FHL1: variants seen among roughly 807,000 people sequenced by gnomAD.
The protein encoded by FHL1 is four and a half LIM domains 1.
A neutral mutation model predicts 20.3 loss-of-function variants in FHL1; 1 was observed. The ratio of observed to expected loss-of-function variants is 0.05; its 90% CI spans 0.02 to 0.23. The LOEUF (loss-of-function observed/expected upper bound fraction) is 0.23. Ranked by LOEUF, FHL1 falls within the 10% of genes least tolerant of loss-of-function variation. The probability of loss-of-function intolerance (pLI) is 1.00; values close to 1 mark genes in which losing one functional copy is unlikely to be tolerated. For synonymous variants in FHL1, 82 were observed against 88.9 expected (o/e 0.92, Z 0.44); for missense variants, 177 against 234.0 (o/e 0.76, Z 1.59).
intron 5 of FHL1, chrX:136,209,154 T>TGCCCTGG: frequency 2.2e-6 from 2 of 902,475 alleles, no homozygotes; most frequent in Non-Finnish European, 3.1e-6. Flanking sequence ...GCGATCCACG[T>TGCCCTGG]GCCCTGGGCC....
intron 2 of FHL1, among the ~76,000 whole-genome samples, chrX:136,178,392 C>T (rs188348446): frequency 8.9e-6 from 1 of 111,968 alleles, no homozygotes; most frequent in East Asian, 2.8e-4. Context: ...TGTAGAGCAT[C>T]TCTCACTGAA....
At chrX:136,157,859 T>C (rs903524745) in intron 1 of FHL1, among the ~76,000 whole-genome samples, 2 of 112,052 alleles carry the variant, frequency 1.8e-5, no homozygotes, top group African/African-American at 3.2e-5. Context: ...ATAGTTTCAT[T>C]ATGTACTTGA....
In FHL1 at chrX:136,173,121, C is replaced by A. The variant is rs981905886; in HGVS notation, c.-27+3141C>A. On this transcript the variant is annotated intron_variant, in intron 2 of 6. Transcript: ENST00000394153. ...TATTATTCAGAAACTTAGAATTATT[C>A]CATTTGGCTGCCTTTTAGTTTACAG... Among the ~76,000 whole-genome samples, 9 of 112,531 alleles carry A rather than the reference C, an allele frequency of 8.0e-5. No individual in the cohort carries two copies. The East Asian group carries it at 2.5e-3, about 31-fold the overall frequency.
chrX:136,165,085 G>A (rs189595000), upstream of FHL1, among the ~76,000 whole-genome samples: 287 of 111,549 alleles, frequency 2.6e-3, 2 homozygotes, highest in African/African-American at 8.8e-3. Context: ...GTATATAGAG[G>A]ATATCACCAG....
chrX:136,177,028 A>ACACACACACACG (rs2073023996), intron 2 of FHL1, among the ~76,000 whole-genome samples: 2 of 107,595 alleles, frequency 1.9e-5, no homozygotes, highest in South Asian at 4.1e-4. Context: ...ACACACACAC[A>ACACACACACACG]CACACACACA....
At chrX:136,199,951 TAAAAAAG>T (rs1195210146) in intron 1 of FHL1, among the ~76,000 whole-genome samples, 2 of 111,879 alleles carry the variant, frequency 1.8e-5, no homozygotes, top group South Asian at 3.7e-4. Context: ...AGGTTTATAG[TAAAAAAG>T]AAAAAAGAAA....
At chrX:136,200,183 GT>G (rs1160766995) in intron 1 of FHL1, among the ~76,000 whole-genome samples, 2 of 111,815 alleles carry the variant, frequency 1.8e-5, no homozygotes, top group African/African-American at 6.5e-5. Flanking sequence ...TGGAATAAAT[GT>G]CTAAAATTTT....
chrX:136,169,800 A>G, intron 1 of FHL1: 1 of 331,350 alleles, frequency 3.0e-6, no homozygotes, highest in Non-Finnish European at 5.9e-6. Flanking sequence ...AGAATGTGTT[A>G]CCATGAGCCA....
At chrX:136,159,167 A>G (rs2072500647) in intron 1 of FHL1, among the ~76,000 whole-genome samples, 1 of 111,133 alleles carries the variant, frequency 9.0e-6, no homozygotes, top group Non-Finnish European at 1.9e-5. Flanking sequence ...CTAATTAAAA[A>G]AAAAAACTCT....
At chrX:136,147,992 G>A in intron 1 of FHL1, 1 of 89,765 alleles carries the variant, frequency 1.1e-5, no homozygotes, top group African/African-American at 4.1e-5. Context: ...TCCTGTGCGG[G>A]GGATGGTGGG....
intron 2 of FHL1, among the ~76,000 whole-genome samples, chrX:136,178,165 CATT>C (rs1337312669): frequency 9.0e-6 from 1 of 111,554 alleles, no homozygotes; most frequent in Non-Finnish European, 1.9e-5. Context: ...TTGTCATCAT[CATT>C]ATTATCATAT....
Position 136,207,924 on chromosome X carries a change from A to G in FHL1, c.512A>G (p.Glu171Gly). 1 of 1,212,425 alleles carries G rather than the reference A, an allele frequency of 8.2e-7. No individual in the cohort carries two copies. The highest frequency in any genetic ancestry group is 1.1e-6 in the Non-Finnish European group (1 of 895,649). ...GEDFYCVTCHETKFAKHCVKC... is the reference protein window; with the variant it reads ...GEDFYCVTCHGTKFAKHCVKC... ...GACTTCTACTGCGTGACTTGCCATG[A>G]GACCAAGTTTGCCAAGCATTGCGTG... is the stretch of plus-strand genomic sequence containing the variant. The change falls in exon 4 of 6, where the codon GAG (glutamate) becomes GGG (glycine). Residue 171 changes from glutamate to glycine, a missense_variant. Physicochemically the swap from Glu to Gly is moderately conservative, Grantham distance 98. Transcript: ENST00000370683.
intron 1 of FHL1, among the ~76,000 whole-genome samples, chrX:136,156,302 G>A (rs1301360938): frequency 1.1e-5 from 1 of 93,515 alleles, no homozygotes; most frequent in African/African-American, 4.1e-5. Context: ...TTTTTTTTGA[G>A]ACGGAGTTTC....
At chrX:136,183,884 C>A (rs1187159176) in intron 2 of FHL1, among the ~76,000 whole-genome samples, 2 of 111,457 alleles carry the variant, frequency 1.8e-5, no homozygotes, top group Non-Finnish European at 3.8e-5. Context: ...TCTTTAATGT[C>A]TCAGTTTATT....
upstream of FHL1, among the ~76,000 whole-genome samples, chrX:136,165,783 A>G (rs1284106142): frequency 8.9e-6 from 1 of 112,286 alleles, no homozygotes; most frequent in African/African-American, 3.2e-5. Context: ...GTCAGTAGTG[A>G]TAAGGGTCAG....
chrX:136,176,723 G>A (rs2073012591), intron 2 of FHL1, among the ~76,000 whole-genome samples: 1 of 111,551 alleles, frequency 9.0e-6, no homozygotes, highest in Non-Finnish European at 1.9e-5. Flanking sequence ...CAAAGGTGCA[G>A]CACATTTGTT....
chrX:136,148,939 C>T (rs2072187954), intron 1 of FHL1, among the ~76,000 whole-genome samples: 1 of 111,988 alleles, frequency 8.9e-6, no homozygotes, highest in Admixed American at 9.4e-5. Flanking sequence ...CTGGAAGTCC[C>T]CTTGTATTCA....
At chrX:136,197,257 T>G in intron 1 of FHL1, 123 bp downstream of exon 1, 1 of 641,811 alleles carries the variant, frequency 1.6e-6, no homozygotes, top group Non-Finnish European at 2.4e-6. Flanking sequence ...GTAAATAAAT[T>G]ATAGCTTGTC....
In FHL1 at chrX:136,209,969, C is replaced by T. The variant is rs2073965890; in HGVS notation, c.835C>T (p.Arg279Cys). The T allele has an allele frequency of 3.3e-6, 4 of 1,211,278 alleles. No individual in the cohort carries two copies. The highest frequency in any genetic ancestry group is 1.7e-5 in the African/African-American group (1 of 57,618). The change falls in exon 6 of 6, where the codon CGC becomes TGC. Residue 279 changes from arginine to cysteine, a missense_variant. By Grantham distance (180) the Arg-to-Cys change is radical. Transcript: ENST00000370683. ...KKCSVNLANKRFVFHQEQVYC... is the reference protein window; with the variant it reads ...KKCSVNLANKCFVFHQEQVYC... Reference sequence around the variant, plus strand: ...ATGCTCCGTGAATCTGGCCAACAAGCGCTTTGTTTTCCACCAGGAGCAAGT... The same window carrying T: ...ATGCTCCGTGAATCTGGCCAACAAGTGCTTTGTTTTCCACCAGGAGCAAGT...
Sources: gnomAD v4.1 joint callset for allele counts (sites outside exome capture counted in the v4.1 genomes callset) on GRCh38, gnomAD v4.1.1 for gene constraint, MANE v1.5 for transcripts, NCBI Gene and HGNC (gene_info 2026-07-23, HGNC 2026-07-21) for gene names.